Variants in ERBB4 observed in about 807,000 individuals in gnomAD.
ERBB4 encodes the protein receptor tyrosine-protein kinase erbB-4.
A neutral mutation model predicts 158.0 loss-of-function variants in ERBB4; 42 were observed. The observed-to-expected ratio is 0.27, with a 90% CI of 0.21 to 0.34. ERBB4 has a LOEUF of 0.34. ERBB4 is among the 10% of genes least tolerant of loss of function. The pLI, the probability that ERBB4 is intolerant of heterozygous loss-of-function variation, is 1.00. For missense variants in ERBB4, 1,333 were observed against 1,624.1 expected, an observed-to-expected ratio of 0.82 and a Z score of 3.08; for synonymous variants, 583 against 558.7, an observed-to-expected ratio of 1.04 and a Z score of -0.61.
intron 2 of ERBB4, among the ~76,000 whole-genome samples, chr2:212,061,193 A>G (rs1477751076): frequency 1.3e-5 from 2 of 151,714 alleles, no homozygotes; most frequent in Admixed American, 6.6e-5. Flanking sequence ...GCAGTGGTTC[A>G]TGCCTGTAAT....
chr2:211,483,887 A>T (rs1190482449), intron 20 of ERBB4, among the ~76,000 whole-genome samples: 1 of 152,148 alleles, frequency 6.6e-6, no homozygotes, highest in Admixed American at 6.6e-5. Context: ...GAATAATACA[A>T]GTAAGAAGAT....
intron 1 of ERBB4, among the ~76,000 whole-genome samples, chr2:212,399,502 C>A: frequency 7.0e-6 from 1 of 143,842 alleles, no homozygotes; most frequent in Non-Finnish European, 1.5e-5. Flanking sequence ...CTAAGGGCTG[C>A]TATTAATAAG....
chr2:211,856,623 G>C (rs1051354729), intron 3 of ERBB4, among the ~76,000 whole-genome samples: 1 of 151,854 alleles, frequency 6.6e-6, no homozygotes, highest in Non-Finnish European at 1.5e-5. Flanking sequence ...TCCTGGCCTC[G>C]TGATCCGCCC....
rs1553524037 is a variant in ERBB4, at chr2:211,413,309, A to AAAAAAAAAAAAAAACAC, written c.3135+7131_3135+7132insGTGTTTTTTTTTTTTTT. Among the ~76,000 whole-genome samples, 106 of 94,568 alleles carry AAAAAAAAAAAAAAACAC rather than the reference A, an allele frequency of 1.1e-3. 2 individuals are homozygous for AAAAAAAAAAAAAAACAC. Among genetic ancestry groups the AAAAAAAAAAAAAAACAC allele is most frequent in the African/African-American group, 3.5e-3 (91 of 26,046 alleles). 62.0% of individuals were successfully genotyped at this position (94,568 alleles called of 152,430 possible). A position where few individuals can be genotyped will look rare whatever the true frequency, so the allele number is the denominator to read the frequency against. Reference sequence around the variant, plus strand: ...GGACAGAGAGAGACCCTGTCTTAAAAACACACACACACACACACACACACA... The same window carrying AAAAAAAAAAAAAAACAC: ...GGACAGAGAGAGACCCTGTCTTAAAAAAAAAAAAAAAAAACACACACACACACACACACACACACACA... On this transcript the variant is annotated intron_variant, in intron 25 of 27. Transcript: ENST00000342788.
intron 2 of ERBB4, among the ~76,000 whole-genome samples, chr2:211,993,262 G>A (rs892862756): frequency 6.6e-6 from 1 of 152,178 alleles, no homozygotes; most frequent in Non-Finnish European, 1.5e-5. Flanking sequence ...TTTACAAGAA[G>A]AGGAAGAAAC....
At chr2:211,578,422 T>C (rs538328314) in intron 19 of ERBB4, among the ~76,000 whole-genome samples, 1 of 152,220 alleles carries the variant, frequency 6.6e-6, no homozygotes, top group South Asian at 2.1e-4. Context: ...TAAACTACCA[T>C]TGACATTATC....
Position 212,038,322 on chromosome 2 carries a change from T to C in ERBB4, c.234+86430A>G, listed in dbSNP as rs374344773. ...CATTGAATAGTTCCTTCATGATTAA[T>C]TGGATTCAGTAAGCAAAATCTAACA... is the stretch of plus-strand genomic sequence containing the variant. On this transcript the variant is annotated intron_variant, in intron 2 of 27. Coordinates refer to ENST00000342788, the MANE Select transcript of ERBB4 (RefSeq NM_005235.3). Among the ~76,000 whole-genome samples, 11 of 152,184 alleles carry C rather than the reference T, an allele frequency of 7.2e-5. 1 individual carries two copies. Among genetic ancestry groups the C allele is most frequent in the African/African-American group, 2.6e-4 (11 of 41,556 alleles).
intron 1 of ERBB4, among the ~76,000 whole-genome samples, chr2:212,288,281 G>C (rs542577653): frequency 6.6e-6 from 1 of 152,172 alleles, no homozygotes; most frequent in East Asian, 1.9e-4. Context: ...AATACCGCGA[G>C]GCACACGGGA....
chr2:211,945,405 T>C (rs2080658784), intron 3 of ERBB4, among the ~76,000 whole-genome samples: 1 of 152,066 alleles, frequency 6.6e-6, no homozygotes, highest in African/African-American at 2.4e-5. Flanking sequence ...ATCTGAAAAA[T>C]GTTCATATTA....
intron 20 of ERBB4, among the ~76,000 whole-genome samples, chr2:211,441,839 T>TAACA (rs1350786489): frequency 2.0e-5 from 3 of 152,114 alleles, no homozygotes; most frequent in Non-Finnish European, 4.4e-5. Flanking sequence ...GAGTCCCTAG[T>TAACA]AACAAACAAA....
chr2:212,198,618 A>G (rs1387497771), intron 1 of ERBB4, among the ~76,000 whole-genome samples: 1 of 151,974 alleles, frequency 6.6e-6, no homozygotes, highest in African/African-American at 2.4e-5. Context: ...TCTGTTGCCC[A>G]GGCTGGAATG....
intron 22 of ERBB4, among the ~76,000 whole-genome samples, chr2:211,425,882 G>C (rs1432540010): frequency 1.3e-5 from 2 of 151,876 alleles, no homozygotes; most frequent in Non-Finnish European, 2.9e-5. Flanking sequence ...AAGGGTTTCA[G>C]CATGTTGCCC....
At chr2:211,869,882 AT>A (rs995318283) in intron 3 of ERBB4, among the ~76,000 whole-genome samples, 7 of 152,138 alleles carry the variant, frequency 4.6e-5, no homozygotes, top group African/African-American at 1.7e-4. Context: ...AACCTATTTG[AT>A]TTTACTTTTA....
chr2:211,538,489 G>C lies in ERBB4; in HGVS notation c.2487+23414C>G, dbSNP rs192029482. ...TTTAAAGACAGTTCTGGAATCCTGG[G>C]GCTCTCTTTTCTAGGCATAAAATTC... On this transcript the variant is annotated intron_variant, in intron 20 of 27. Coordinates refer to ENST00000342788, the MANE Select transcript of ERBB4 (RefSeq NM_005235.3). Among the ~76,000 whole-genome samples the C allele has an allele frequency of 6.2e-3, 935 of 151,602 alleles. 8 individuals are homozygous for C. Among genetic ancestry groups the C allele is most frequent in the Non-Finnish European group, 9.4e-3 (639 of 67,780 alleles).
chr2:211,909,968 G>T (rs999537259), intron 3 of ERBB4, among the ~76,000 whole-genome samples: 1 of 151,738 alleles, frequency 6.6e-6, no homozygotes, highest in Non-Finnish European at 1.5e-5. Flanking sequence ...CACCCAGGCT[G>T]GAGTGCAGTG....
chr2:212,524,934 T>C (rs905117020), intron 1 of ERBB4, among the ~76,000 whole-genome samples: 4 of 152,002 alleles, frequency 2.6e-5, no homozygotes, highest in Admixed American at 6.6e-5. Context: ...AGAGAAGAGA[T>C]ATGAAGGTCC....
chr2:212,354,795 G>C (rs2089403713), intron 1 of ERBB4, among the ~76,000 whole-genome samples: 1 of 151,932 alleles, frequency 6.6e-6, no homozygotes, highest in African/African-American at 2.4e-5. Context: ...ATCTGTTGAA[G>C]TTTCCAAGTG....
At chr2:212,157,637 C>T (rs1356711183) in intron 1 of ERBB4, among the ~76,000 whole-genome samples, 1 of 152,026 alleles carries the variant, frequency 6.6e-6, no homozygotes, top group Non-Finnish European at 1.5e-5. Flanking sequence ...TCATTACAAA[C>T]TAAAACTATG....
chr2:212,380,699 G>C (rs748069215), intron 1 of ERBB4, among the ~76,000 whole-genome samples: 5 of 150,486 alleles, frequency 3.3e-5, no homozygotes, highest in East Asian at 1.9e-4. Context: ...CGAGAATTTA[G>C]GCTCTTTGAA....
Sources: gnomAD v4.1 joint callset for allele counts (sites outside exome capture counted in the v4.1 genomes callset) on GRCh38, gnomAD v4.1.1 for gene constraint, MANE v1.5 for transcripts, NCBI Gene and HGNC (gene_info 2026-07-23, HGNC 2026-07-21) for gene names.